ZNF100: variants seen among roughly 807,000 people sequenced by gnomAD.
ZNF100 encodes zinc finger protein 100.
In ZNF100, 12 loss-of-function variants were observed where a neutral mutation model predicts 15.8. The ratio of observed to expected loss-of-function variants is 0.76; its 90% CI spans 0.49 to 1.23. The LOEUF is 1.23. Among genes scored for constraint, ZNF100 ranks in the 50% most tolerant of loss-of-function variants. The pLI is 0.00. For missense variants in ZNF100, 670 were observed against 635.6 expected (o/e 1.05, Z -0.58); for synonymous variants, 226 against 214.8 (o/e 1.05, Z -0.45).
chr19:21,732,779 A>G (rs2035942816), intron 4 of ZNF100, among the ~76,000 whole-genome samples: 1 of 152,036 alleles, frequency 6.6e-6, no homozygotes, highest in Non-Finnish European at 1.5e-5. Context: ...TGAAGACAAA[A>G]AAGGCTGAGA....
intron 4 of ZNF100, among the ~76,000 whole-genome samples, chr19:21,728,256 C>A (rs1320158570): frequency 1.3e-5 from 2 of 152,004 alleles, no homozygotes; most frequent in East Asian, 3.9e-4. Flanking sequence ...ATTTACCCAA[C>A]AGAGCTCTTT....
At position 21,734,520 on chromosome 19, in the gene ZNF100, A is replaced by G. The variant is rs2035975362; in HGVS notation, c.323-6531T>C. On this transcript the variant is annotated intron_variant, in intron 4 of 4. Coordinates refer to ENST00000358296, the MANE Select transcript of ZNF100 (RefSeq NM_173531.4). ...GATAAGATTGAAAAAATAAAAATAA[A>G]AAGGAATGAAAAAAATCTTCAAGAA... is the stretch of plus-strand genomic sequence containing the variant. Among the ~76,000 whole-genome samples, 3 of 152,182 alleles carry G rather than the reference A, an allele frequency of 2.0e-5. No individual in the cohort carries two copies. The South Asian group carries it at 6.2e-4, about 32-fold the overall frequency.
chr19:21,731,603 G>A (rs746485083), intron 4 of ZNF100, among the ~76,000 whole-genome samples: 11 of 152,068 alleles, frequency 7.2e-5, no homozygotes, highest in Admixed American at 3.3e-4. Flanking sequence ...CACCGTGCCC[G>A]GCAATGCAAC....
chr19:21,761,294 ATT>A (rs2036479947), intron 2 of ZNF100, among the ~76,000 whole-genome samples: 1 of 152,234 alleles, frequency 6.6e-6, no homozygotes, highest in Non-Finnish European at 1.5e-5. Context: ...TTTGGAAAAT[ATT>A]TGTGAGTATT....
intron 4 of ZNF100, among the ~76,000 whole-genome samples, chr19:21,741,373 T>C (rs1259155471): frequency 6.6e-6 from 1 of 152,090 alleles, no homozygotes; most frequent in Non-Finnish European, 1.5e-5. Flanking sequence ...AATGCAATTA[T>C]TATTATTATT....
At chr19:21,752,646 T>C (rs1243778350) in intron 2 of ZNF100, 1 of 152,568 alleles carries the variant, frequency 6.6e-6, no homozygotes, top group Admixed American at 6.5e-5. Flanking sequence ...CATTTTCTGA[T>C]AATTTTTATC....
At chr19:21,752,042 CAA>C (rs2036315868) in intron 2 of ZNF100, 2 of 276,026 alleles carry the variant, frequency 7.2e-6, no homozygotes, top group Admixed American at 9.8e-5. Flanking sequence ...ATCTCAAATT[CAA>C]GAGACGCACG....
chr19:21,765,657 G>A, intron 2 of ZNF100, 37 bp downstream of exon 2: 1 of 1,585,884 alleles, frequency 6.3e-7, no homozygotes, highest in Middle Eastern at 1.7e-4. Context: ...TGAAAGCTGG[G>A]TTGGGTGAAG....
intron 2 of ZNF100, among the ~76,000 whole-genome samples, chr19:21,754,837 ATCAT>A (rs1433716168): frequency 6.6e-6 from 1 of 152,186 alleles, no homozygotes; most frequent in Non-Finnish European, 1.5e-5. Flanking sequence ...AAAGAAAACC[ATCAT>A]CAGAATGAAC....
rs1306847225 is a variant in ZNF100, at chr19:21,727,499, G to A, written c.813C>T (p.Asn271=). 2.5e-6 allele frequency: 4 copies of A among 1,607,560 alleles called. No homozygotes were observed. The highest frequency in any genetic ancestry group is 2.6e-6 in the Non-Finnish European group (3 of 1,175,046). The part of the protein sequence containing the change: ...YKCEECGKAF[N]RSSHLTTHKI... ...TATGTGTAGTAAGGTGTGAGGACCGGTTAAATGCTTTCCCACATTCTTCAC... is the reference window on the plus strand; with the variant it reads ...TATGTGTAGTAAGGTGTGAGGACCGATTAAATGCTTTCCCACATTCTTCAC... Residue 271 remains asparagine (N), a synonymous_variant, in exon 5 of 5, where the codon AAC becomes AAT. Transcript: ENST00000358296.
chr19:21,758,114 A>T (rs975173260), intron 2 of ZNF100, among the ~76,000 whole-genome samples: 2 of 152,038 alleles, frequency 1.3e-5, no homozygotes, highest in Admixed American at 1.3e-4. Flanking sequence ...CATAAAACAA[A>T]CACCACCAAG....
chr19:21,740,310 A>C (rs565809612), intron 4 of ZNF100, among the ~76,000 whole-genome samples: 1 of 152,224 alleles, frequency 6.6e-6, no homozygotes, highest in Non-Finnish European at 1.5e-5. Context: ...TATATAAAAA[A>C]TGTTTTCAAT....
At chr19:21,736,093 GATTT>G (rs1171020541) in intron 4 of ZNF100, among the ~76,000 whole-genome samples, 2 of 150,028 alleles carry the variant, frequency 1.3e-5, no homozygotes, top group Non-Finnish European at 3.0e-5. Context: ...CGGCCTTATT[GATTT>G]ATTTTTTTGA....
Position 21,761,900 on chromosome 19 carries a change from G to A in ZNF100, c.96+3794C>T, listed in dbSNP as rs912115631. The stretch of plus-strand genomic sequence containing the variant: ...CAGAGTTGAGTCTGTGGCTAGAGCC[G>A]GTCAGAAAGCATGAATCTGAAAGAT... On this transcript the variant is annotated intron_variant, in intron 2 of 4. Transcript: ENST00000358296. Among the ~76,000 whole-genome samples the A allele has an allele frequency of 5.3e-5, 8 of 152,280 alleles. 1 individual carries two copies. Among genetic ancestry groups the A allele is most frequent in the Middle Eastern group, 3.4e-3 (1 of 294 alleles).
chr19:21,731,312 TATTTTTTA>T (rs1489918208), intron 4 of ZNF100, among the ~76,000 whole-genome samples: 12 of 147,372 alleles, frequency 8.1e-5, no homozygotes, highest in South Asian at 4.4e-4. Context: ...CTTTTTTTTT[TATTTTTTA>T]TTTTTTGAGA....
chr19:21,727,578 A>G lies in ZNF100; in HGVS notation c.734T>C (p.Phe245Ser). ...TCTCCTGTGTGTAGTAAGGGTTGAG[A>G]ACCAGTTGAAGGCTTTGCCACAATC... The part of the protein sequence containing the change: ...CKDCGKAFNW[F>S]STLTTHRRIH... Residue 245 changes from phenylalanine (F) to serine (S), a missense_variant, in exon 5 of 5, where the codon TTC (phenylalanine) becomes TCC (serine). By Grantham distance (155) the Phe-to-Ser change is radical (BLOSUM62 -2). Coordinates refer to ENST00000358296, the MANE Select transcript of ZNF100 (RefSeq NM_173531.4). 1 of 1,613,666 alleles carries G rather than the reference A, an allele frequency of 6.2e-7. No homozygotes were observed. The highest frequency in any genetic ancestry group is 8.5e-7 in the Non-Finnish European group (1 of 1,179,778).
Position 21,723,946 on chromosome 19 carries a change from TA to T in ZNF100, c.*2736del, listed in dbSNP as rs2035726757. ...TGTTCTAACTAAATAAAATGTAACTTAATACACTAATTGTGGAATTACATTT... is the reference window on the plus strand; with the variant it reads ...TGTTCTAACTAAATAAAATGTAACTTATACACTAATTGTGGAATTACATTT... On this transcript the variant is annotated 3_prime_UTR_variant, in exon 5 of 5. Coordinates refer to ENST00000358296, the MANE Select transcript of ZNF100 (RefSeq NM_173531.4). 1 of 152,210 alleles carries T rather than the reference TA, an allele frequency of 6.6e-6. No homozygotes were observed. The highest frequency in any genetic ancestry group is 2.4e-5 in the African/African-American group (1 of 41,448). The allele number at this position is 152,210 out of a possible 1,614,324, so 9.4% of individuals were successfully genotyped here. A position where few individuals can be genotyped will look rare whatever the true frequency, so the allele number is the denominator to read the frequency against.
chr19:21,726,786 C>T lies in ZNF100; in HGVS notation c.1526G>A (p.Gly509Glu), dbSNP rs2035796050. The T allele has an allele frequency of 6.2e-7, 1 of 1,613,722 alleles. No individual in the cohort carries two copies. ...TLTKHKITHT[G>E]EKSYKWEECG... ...TTCTTCCCATTTGTAAGATTTCTCT[C>T]CAGTATGAGTTATCTTATGTTTAGT... Residue 509 changes from glycine to glutamate, a missense_variant, in exon 5 of 5, where the codon GGA becomes GAA. Transcript: ENST00000358296.
intron 2 of ZNF100, among the ~76,000 whole-genome samples, chr19:21,758,700 T>C (rs992333867): frequency 1.3e-5 from 2 of 152,162 alleles, no homozygotes; most frequent in African/African-American, 4.8e-5. Flanking sequence ...TTCCCAAGTG[T>C]GGTGACTAGT....
Sources: allele counts gnomAD v4.1 joint callset (sites outside exome capture counted in the v4.1 genomes callset), GRCh38; gene constraint gnomAD v4.1.1; transcripts MANE v1.5; gene names NCBI Gene and HGNC (gene_info 2026-07-23, HGNC 2026-07-21).